The following PTPRD variants were observed in gnomAD, a reference collection of about 807,000 sequenced individuals.
PTPRD encodes the protein receptor-type tyrosine-protein phosphatase delta.
In PTPRD, 34 loss-of-function variants were observed where a neutral mutation model predicts 214.5. The observed-to-expected ratio is 0.16, with a 90% confidence interval of 0.12 to 0.21. The LOEUF is 0.21. Among genes scored for constraint, PTPRD ranks in the 10% least tolerant of loss-of-function variants. The pLI is 1.00. For synonymous variants in PTPRD, 1,128 were observed against 845.7 expected (o/e 1.33, Z -5.79); for missense variants, 2,545 against 2,398.7 (o/e 1.06, Z -1.27).
Position 10,449,951 on chromosome 9 carries a change from G to A in PTPRD, c.-599-108934C>T, listed in dbSNP as rs368862595. Reference sequence around the variant, plus strand: ...AATCTATAACCTTACCCCCAACCCCGTGCTCTCTGAAACATGTGCTGTGTC... The same window carrying A: ...AATCTATAACCTTACCCCCAACCCCATGCTCTCTGAAACATGTGCTGTGTC... On this transcript the variant is annotated intron_variant, in intron 2 of 45. Coordinates refer to ENST00000381196, the MANE Select transcript of PTPRD (RefSeq NM_002839.4). 9.3e-3 allele frequency among the ~76,000 whole-genome samples: 1,392 copies of A among 150,018 alleles called. 23 individuals carry two copies. Among genetic ancestry groups the A allele is most frequent in the African/African-American group, 0.031 (1,246 of 40,256 alleles).
intron 7 of PTPRD, among the ~76,000 whole-genome samples, chr9:9,633,923 T>A (rs1593641280): frequency 6.6e-6 from 1 of 152,176 alleles, no homozygotes; most frequent in African/African-American, 2.4e-5. Context: ...AATCACCAAG[T>A]TCAAATTAGA....
At chr9:9,140,548 T>A (rs902950939) in intron 10 of PTPRD, among the ~76,000 whole-genome samples, 1 of 152,222 alleles carries the variant, frequency 6.6e-6, no homozygotes, top group East Asian at 1.9e-4. Context: ...CGCTGGGGAT[T>A]GGAAAGCCAC....
intron 5 of PTPRD, among the ~76,000 whole-genome samples, chr9:9,899,612 A>G (rs1368492241): frequency 6.6e-6 from 1 of 152,032 alleles, no homozygotes; most frequent in Non-Finnish European, 1.5e-5. Flanking sequence ...AATTTAAGTT[A>G]GTACAGCTAT....
intron 11 of PTPRD, among the ~76,000 whole-genome samples, chr9:9,011,005 C>T (rs1006814513): frequency 1.3e-5 from 2 of 152,072 alleles, no homozygotes; most frequent in African/African-American, 4.8e-5. Flanking sequence ...TTTCCTATGG[C>T]CTAGGATTCA....
chr9:9,098,050 A>AT (rs1429720511), intron 10 of PTPRD, among the ~76,000 whole-genome samples: 1 of 151,854 alleles, frequency 6.6e-6, no homozygotes, highest in Admixed American at 6.6e-5. Context: ...CAATATTAAT[A>AT]TATTTATATA....
intron 3 of PTPRD, among the ~76,000 whole-genome samples, chr9:10,078,230 G>C (rs1021390578): frequency 4.0e-5 from 6 of 151,082 alleles, no homozygotes; most frequent in African/African-American, 9.7e-5. Context: ...AACCCACCTA[G>C]GGCCGGGCAC....
At chr9:10,075,378 C>A (rs1425364003) in intron 3 of PTPRD, among the ~76,000 whole-genome samples, 1 of 152,024 alleles carries the variant, frequency 6.6e-6, no homozygotes. Flanking sequence ...TCTAAGCCAA[C>A]TATGAAAGTA....
At chr9:8,956,193 T>C (rs180729633) in intron 11 of PTPRD, among the ~76,000 whole-genome samples, 1 of 151,908 alleles carries the variant, frequency 6.6e-6, no homozygotes, top group African/African-American at 2.4e-5. Context: ...ATAAAACTCT[T>C]GATTAGAAAT....
intron 10 of PTPRD, among the ~76,000 whole-genome samples, chr9:9,149,263 G>C (rs967424341): frequency 6.6e-6 from 1 of 152,204 alleles, no homozygotes; most frequent in African/African-American, 2.4e-5. Flanking sequence ...CATAAGGCTT[G>C]TAGCCCTAAA....
At chr9:9,602,377 T>C (rs568955230) in intron 7 of PTPRD, among the ~76,000 whole-genome samples, 65 of 152,142 alleles carry the variant, frequency 4.3e-4, no homozygotes, top group Admixed American at 5.2e-4. Flanking sequence ...ATTTATATTT[T>C]TAAAGCAATG....
At chr9:10,149,196 A>T (rs2099043916) in intron 3 of PTPRD, among the ~76,000 whole-genome samples, 1 of 152,190 alleles carries the variant, frequency 6.6e-6, no homozygotes, top group South Asian at 2.1e-4. Flanking sequence ...CCATTAAGTT[A>T]TATATCCCAT....
At chr9:10,505,208 A>T (rs920466783) in intron 2 of PTPRD, among the ~76,000 whole-genome samples, 1 of 152,166 alleles carries the variant, frequency 6.6e-6, no homozygotes, top group Non-Finnish European at 1.5e-5. Context: ...GTCTAATTCA[A>T]ATTCATTCAG....
chr9:10,432,656 T>A lies in PTPRD; in HGVS notation c.-599-91639A>T, dbSNP rs568089583. Among the ~76,000 whole-genome samples the A allele has an allele frequency of 1.6e-4, 24 of 152,078 alleles. No individual in the cohort carries two copies. In the South Asian group the frequency reaches 3.9e-3, roughly 25 times the overall value. On this transcript the variant is annotated intron_variant, in intron 2 of 45. Transcript: ENST00000381196. The stretch of plus-strand genomic sequence containing the variant: ...CCAGTATTACAACCTGATCATTGAA[T>A]ATACTGATTAAAACACCAATGCCCT...
At chr9:8,629,788 C>T (rs2096188751) in intron 14 of PTPRD, among the ~76,000 whole-genome samples, 1 of 151,770 alleles carries the variant, frequency 6.6e-6, no homozygotes, top group African/African-American at 2.4e-5. Flanking sequence ...ACATTCACCT[C>T]CCCCCTCTCC....
intron 10 of PTPRD, among the ~76,000 whole-genome samples, chr9:9,125,637 G>C (rs899617305): frequency 1.3e-5 from 2 of 152,122 alleles, no homozygotes; most frequent in African/African-American, 4.8e-5. Flanking sequence ...AATTTCATTA[G>C]AAAACATAGC....
At chr9:10,344,079 T>C (rs1288102060) in intron 2 of PTPRD, among the ~76,000 whole-genome samples, 4 of 148,228 alleles carry the variant, frequency 2.7e-5, no homozygotes, top group Non-Finnish European at 4.5e-5. Flanking sequence ...TTGCTTTTGG[T>C]GTTTTAGACA....
intron 35 of PTPRD, among the ~76,000 whole-genome samples, chr9:8,420,803 CTTTTTTTTT>C (rs3835267): frequency 9.0e-6 from 1 of 111,440 alleles, no homozygotes; most frequent in Non-Finnish European, 1.9e-5. Context: ...GATCATTTTT[CTTTTTTTTT>C]TTTTTTAAAA....
chr9:9,247,404 C>A (rs1345683707), intron 9 of PTPRD, among the ~76,000 whole-genome samples: 1 of 151,998 alleles, frequency 6.6e-6, no homozygotes, highest in African/African-American at 2.4e-5. Flanking sequence ...TTTAAGTCTT[C>A]ATTCTGAAGG....
chr9:8,727,642 T>TTTTG lies in PTPRD; in HGVS notation c.64+6134_64+6137dup, dbSNP rs139992060. The stretch of plus-strand genomic sequence containing the variant: ...TGCTTTTTGTTTTGGTTTAGGTGTT[T>TTTTG]TTTGTTTGTTTGTTTGTTTGTTTGT... On this transcript the variant is annotated intron_variant, in intron 12 of 45. Coordinates refer to ENST00000381196, the MANE Select transcript of PTPRD (RefSeq NM_002839.4). Among the ~76,000 whole-genome samples, 1,129 of 151,516 alleles carry TTTTG rather than the reference T, an allele frequency of 7.5e-3. 14 individuals carry two copies. The highest frequency in any genetic ancestry group is 0.021 in the African/African-American group (866 of 41,378).
Sources: allele counts gnomAD v4.1 joint callset (sites outside exome capture counted in the v4.1 genomes callset), GRCh38; gene constraint gnomAD v4.1.1; transcripts MANE v1.5; gene names NCBI Gene and HGNC (gene_info 2026-07-23, HGNC 2026-07-21).